The following IFT122 variants were observed in gnomAD, a reference collection of about 807,000 sequenced individuals.
IFT122 encodes intraflagellar transport protein 122 homolog.
A neutral mutation model predicts 161.6 loss-of-function variants in IFT122; 118 were observed. The ratio of observed to expected loss-of-function variants is 0.73; its 90% CI spans 0.63 to 0.85. The LOEUF (loss-of-function observed/expected upper bound fraction) is 0.85, where lower values mean the gene tolerates loss of function less well. Among genes scored for constraint, IFT122 ranks in the 40% least tolerant of loss-of-function variants. The probability of loss-of-function intolerance (pLI) is 0.00; values close to 1 mark genes in which losing one functional copy is unlikely to be tolerated. For synonymous variants in IFT122, 550 were observed against 602.4 expected (o/e 0.91, Z 1.27); for missense variants, 1,381 against 1,579.6 (o/e 0.87, Z 2.13).
At position 129,476,401 on chromosome 3, in the gene IFT122, C is replaced by T. The variant is rs1335183462; in HGVS notation, c.903C>T (p.Asp301=). The stretch of plus-strand genomic sequence containing the variant: ...AGTACATTTTGCTGGGGGGTTCAGA[C>T]AAGCAAGTATCTCTTTTCACCAAGG... The part of the protein sequence containing the change: ...KGEYILLGGS[D]KQVSLFTKDG... Residue 301 remains aspartate, a synonymous_variant, in exon 10 of 30, where the codon GAC becomes GAT. Coordinates refer to ENST00000348417, the MANE Select transcript of IFT122 (RefSeq NM_052989.3). 10 of 1,614,132 alleles carry T rather than the reference C, an allele frequency of 6.2e-6. No homozygotes were observed. The highest frequency in any genetic ancestry group is 8.5e-6 in the Non-Finnish European group (10 of 1,180,028).
intron 6 of IFT122, 124 bp downstream of exon 6, chr3:129,463,750 C>T (rs1180490685): frequency 2.0e-5 from 15 of 746,070 alleles, no homozygotes; most frequent in Admixed American, 1.9e-4. Context: ...CCCTGTATTT[C>T]CTTTTTTCTT....
At chr3:129,495,273 G>T (rs371146624) in intron 17 of IFT122, among the ~76,000 whole-genome samples, 173 bp from the exon 18 acceptor site, 1 of 152,136 alleles carries the variant, frequency 6.6e-6, no homozygotes, top group Non-Finnish European at 1.5e-5. Context: ...TGCTTTTGTT[G>T]TCAAGCCTTC....
intron 23 of IFT122, among the ~76,000 whole-genome samples, chr3:129,508,691 G>A (rs796084675): frequency 1.6e-4 from 24 of 152,274 alleles, no homozygotes; most frequent in African/African-American, 4.6e-4. Flanking sequence ...GGGATTTGAC[G>A]AACTCTTGGA....
At chr3:129,487,095 A>G (rs2079379317) in intron 15 of IFT122, among the ~76,000 whole-genome samples, 1 of 152,222 alleles carries the variant, frequency 6.6e-6, no homozygotes, top group South Asian at 2.1e-4. Context: ...AAATGGAGAA[A>G]ACAATACTTC....
intron 15 of IFT122, among the ~76,000 whole-genome samples, chr3:129,485,904 G>T (rs1459374265): frequency 6.6e-6 from 1 of 152,248 alleles, no homozygotes; most frequent in African/African-American, 2.4e-5. Flanking sequence ...CCATCCTGTG[G>T]TTTTGGCCCA....
At chr3:129,465,878 A>G (rs1356260528) in intron 7 of IFT122, among the ~76,000 whole-genome samples, 1 of 93,684 alleles carries the variant, frequency 1.1e-5, no homozygotes, top group Non-Finnish European at 1.8e-5. Context: ...TCCTGACCTC[A>G]TGATCCACCC....
chr3:129,512,773 G>A, intron 24 of IFT122: 1 of 359,582 alleles, frequency 2.8e-6, no homozygotes. Flanking sequence ...GGAGGAGGGA[G>A]TGTTTGTTCA....
intron 3 of IFT122, 143 bp downstream of exon 3, chr3:129,452,141 T>G (rs574745616): frequency 5.8e-6 from 4 of 686,866 alleles, no homozygotes; most frequent in African/African-American, 5.3e-5. Context: ...AGACTTCAGT[T>G]TGGTCATTCA....
chr3:129,491,761 C>T (rs570871473), intron 16 of IFT122, among the ~76,000 whole-genome samples: 3 of 152,314 alleles, frequency 2.0e-5, no homozygotes, highest in Non-Finnish European at 2.9e-5. Context: ...TCTCATCAGT[C>T]CATGCATCTC....
chr3:129,516,727 G>C (rs201027751), intron 26 of IFT122, among the ~76,000 whole-genome samples: 9,842 of 47,840 alleles, frequency 0.21, 1,428 homozygotes, highest in East Asian at 0.57. Context: ...CACACACACA[G>C]AGAGACTGCC....
rs1199745960 is a variant in IFT122, at chr3:129,460,850, C to G, written c.273-378C>G. ...TGTTGTCTAAGGATTTGTCATGTTT[C>G]CAGATCTTGGTCTGTGATGTCTTCA... is the stretch of plus-strand genomic sequence containing the variant. On this transcript the variant is annotated intron_variant, in intron 4 of 29. Transcript: ENST00000348417. 3.7e-6 allele frequency: 6 copies of G among 1,612,306 alleles called. No homozygotes were observed. In the African/African-American group the frequency reaches 5.3e-5, roughly 14 times the overall value.
At chr3:129,492,806 CTTTTTTTTTCTTTTTT>C (rs1484404480) in intron 17 of IFT122, among the ~76,000 whole-genome samples, 4 of 139,790 alleles carry the variant, frequency 2.9e-5, no homozygotes, top group Non-Finnish European at 6.1e-5. Flanking sequence ...CAACACTATG[CTTTTTTTTTCTTTTTT>C]TTTTTTTTTT....
intron 1 of IFT122, 27 bp from the exon 2 acceptor site, chr3:129,449,844 T>C: frequency 6.4e-7 from 1 of 1,564,598 alleles, no homozygotes; most frequent in Non-Finnish European, 8.8e-7. Context: ...GGTTCCTAAT[T>C]GTCTTTTTCC....
intron 8 of IFT122, among the ~76,000 whole-genome samples, chr3:129,467,314 C>T (rs2076915084): frequency 3.3e-5 from 5 of 152,182 alleles, no homozygotes; most frequent in Admixed American, 2.6e-4. Context: ...TGATAAAACC[C>T]CATCCCCTGA....
At chr3:129,501,504 G>T (rs2081543900) in intron 19 of IFT122, among the ~76,000 whole-genome samples, 1 of 152,170 alleles carries the variant, frequency 6.6e-6, no homozygotes, top group Non-Finnish European at 1.5e-5. Flanking sequence ...AAAGACAGAG[G>T]CACAGATTTT....
rs559216783 is a variant in IFT122 at position 129,515,440 on chromosome 3, G to A, written c.3154-48G>A. 2.4e-5 allele frequency: 28 copies of A among 1,162,580 alleles called. No homozygotes were observed. In the South Asian group the frequency reaches 3.7e-4, roughly 15 times the overall value. 72.0% of individuals were successfully genotyped at this position (1,162,580 alleles called of 1,614,324 possible). On this transcript the variant is annotated intron_variant, in intron 25 of 29. Coordinates refer to ENST00000348417, the MANE Select transcript of IFT122 (RefSeq NM_052989.3). The stretch of plus-strand genomic sequence containing the variant: ...CTGAAGCCAGAGTCCAGGGGGAGGA[G>A]GACACGTGCCTGCCCCGGCCCCTCG...
At position 129,466,932 on chromosome 3, in the gene IFT122, C is replaced by T. The variant is rs181789156; in HGVS notation, c.606C>T (p.Ala202=). ...GGATGAACAGAGAGAATGAGGATGC[C>T]GAGGATGTCATTGTCAACAGATATA... ...SFWMNRENED[A]EDVIVNRYIQ... The change falls in exon 8 of 30, where the codon GCC becomes GCT. Residue 202 remains alanine (A), a synonymous_variant. Transcript: ENST00000348417. 60 of 1,614,116 alleles carry T rather than the reference C, an allele frequency of 3.7e-5. No homozygotes were observed. Among genetic ancestry groups the T allele is most frequent in the Non-Finnish European group, 4.7e-5 (55 of 1,179,978 alleles).
intron 18 of IFT122, among the ~76,000 whole-genome samples, chr3:129,497,278 A>G (rs2080979507): frequency 6.6e-6 from 1 of 152,206 alleles, no homozygotes; most frequent in South Asian, 2.1e-4. Context: ...AAAAAAAATA[A>G]TAAAATGCCT....
chr3:129,476,922 C>A, intron 11 of IFT122, 121 bp downstream of exon 11: 1 of 1,206,520 alleles, frequency 8.3e-7, no homozygotes, highest in African/African-American at 1.5e-5. Flanking sequence ...AACCTGTTAG[C>A]CACTGGGTCT....
Sources: gnomAD v4.1 joint callset for allele counts (sites outside exome capture counted in the v4.1 genomes callset) on GRCh38, gnomAD v4.1.1 for gene constraint, MANE v1.5 for transcripts, NCBI Gene and HGNC (gene_info 2026-07-23, HGNC 2026-07-21) for gene names.